PCDH12: variants seen among roughly 807,000 people sequenced by gnomAD.
PCDH12 encodes protocadherin-12.
A neutral mutation model predicts 70.9 loss-of-function variants in PCDH12; 45 were observed. The observed-to-expected ratio is 0.63, with a 90% CI of 0.50 to 0.81. The LOEUF (loss-of-function observed/expected upper bound fraction) is 0.81. PCDH12 is among the 40% of genes least tolerant of loss of function. PCDH12 has a pLI of 0.00. For synonymous variants in PCDH12, 567 were observed against 626.0 expected (o/e 0.91, Z 1.41); for missense variants, 1,370 against 1,491.7 (o/e 0.92, Z 1.34).
intron 3 of PCDH12, among the ~76,000 whole-genome samples, chr5:141,946,905 A>T (rs56121443): frequency 1.3e-4 from 3 of 23,914 alleles, no homozygotes; most frequent in African/African-American, 3.5e-4. Flanking sequence ...AAAAAAATTA[A>T]AAAAAAAAAA....
At position 141,956,422 on chromosome 5, in the gene PCDH12, A is replaced by T; in HGVS notation, c.1430T>A (p.Leu477His). The change falls in exon 1 of 4, where the codon CTT (leucine) becomes CAT (histidine). Residue 477 changes from leucine to histidine, a missense_variant. Physicochemically the swap from Leu to His is moderately conservative, Grantham distance 99. Coordinates refer to ENST00000231484, the MANE Select transcript of PCDH12 (RefSeq NM_016580.4). Reference sequence around the variant, plus strand: ...ATGAGCCTTGATGGTAATGAGGTGAAGAGAGGGTAAGTTGTTTTCCCGCGT... The same window carrying T: ...ATGAGCCTTGATGGTAATGAGGTGATGAGAGGGTAAGTTGTTTTCCCGCGT... ...VSTRENNLPS[L>H]HLITIKAHDA... is the part of the protein sequence containing the mutation. The T allele has an allele frequency of 6.2e-7, 1 of 1,614,192 alleles. No homozygotes were observed. Among genetic ancestry groups the T allele is most frequent in the East Asian group, 2.2e-5 (1 of 44,884 alleles).
rs1426969974 is a variant in PCDH12, at chr5:141,955,287, C to G, written c.2565G>C (p.Gln855His). Reference protein sequence around the residue: ...TVNLLFNHPRQRNASRENLNL... With the variant: ...TVNLLFNHPRHRNASRENLNL... ...TCAGGTTCTCCCGGGAGGCATTCCT[C>G]TGCCTGGGATGGTTGAAAAGGAGGT... The change falls in exon 1 of 4, where the codon CAG (glutamine) becomes CAC (histidine). Residue 855 changes from glutamine (Q) to histidine (H), a missense_variant. Coordinates refer to ENST00000231484, the MANE Select transcript of PCDH12 (RefSeq NM_016580.4). The surrounding 1 kb of genome is among the most constrained non-coding windows in gnomAD (Gnocchi z 5.5). 2 of 1,614,220 alleles carry G rather than the reference C, an allele frequency of 1.2e-6. No individual in the cohort carries two copies. Among genetic ancestry groups the G allele is most frequent in the Non-Finnish European group, 1.7e-6 (2 of 1,180,044 alleles).
chr5:141,957,734 C>T lies in PCDH12; in HGVS notation c.118G>A (p.Val40Met), dbSNP rs755087132. 5 of 1,613,840 alleles carry T rather than the reference C, an allele frequency of 3.1e-6. No homozygotes were observed. The highest frequency in any genetic ancestry group is 3.4e-6 in the Non-Finnish European group (4 of 1,180,036). ...TTCCCGATCACTGTACCAGATGGCA[C>T]TTCCTCTGACACTTGGTATTTCACC... ...LTVKYQVSEE[V>M]PSGTVIGKLS... Residue 40 changes from valine (V) to methionine (M), a missense_variant, in exon 1 of 4, where the codon GTG becomes ATG. Val to Met is a conservative substitution (Grantham distance 21). Coordinates refer to ENST00000231484, the MANE Select transcript of PCDH12 (RefSeq NM_016580.4). This position sits in a 1 kb window ranked among gnomAD's most constrained non-coding sequence, Gnocchi z 4.3.
intron 1 of PCDH12, among the ~76,000 whole-genome samples, chr5:141,954,200 A>G (rs73276027): frequency 0.035 from 5,270 of 152,244 alleles, 320 homozygotes; most frequent in African/African-American, 0.12. Context: ...CTGAACTCCA[A>G]TCTGCCTAAC....
chr5:141,946,989 T>A (rs1436920370), intron 3 of PCDH12, among the ~76,000 whole-genome samples: 1 of 152,138 alleles, frequency 6.6e-6, no homozygotes, highest in Non-Finnish European at 1.5e-5. Context: ...GCGCACAGAA[T>A]GAAAGACTGG....
In PCDH12 at chr5:141,955,414, T is replaced by TGCAGGCAGGGGTCCC; in HGVS notation, c.2423_2437dup (p.Leu812_Gln813insArgAspProCysLeu). ...GGTCGGGGTGAGGTGGAAGGGGGCC[T>TGCAGGCAGGGGTCCC]GCAGGCAGGGGTCCCAGCCTGCTTC... On this transcript the variant is annotated inframe_insertion, in exon 1 of 4. Transcript: ENST00000231484. This position sits in a 1 kb window ranked among gnomAD's most constrained non-coding sequence, Gnocchi z 5.5. 1 of 1,614,010 alleles carries TGCAGGCAGGGGTCCC rather than the reference T, an allele frequency of 6.2e-7. No individual in the cohort carries two copies. Among genetic ancestry groups the TGCAGGCAGGGGTCCC allele is most frequent in the Non-Finnish European group, 8.5e-7 (1 of 1,180,012 alleles).
At position 141,945,390 on chromosome 5, in the gene PCDH12, C is replaced by CTTGCTGCTG; in HGVS notation, c.3545_3546insCAGCAGCAA (p.Arg1182delinsSerSerSerLys). On this transcript the variant is annotated protein_altering_variant, in exon 4 of 4. Coordinates refer to ENST00000231484, the MANE Select transcript of PCDH12 (RefSeq NM_016580.4). ...GGCGTCTGAGGTATGTTCACAGGCA[C>CTTGCTGCTG]CTGCTGCTGCTGCTGCTGCCTCTGC... is the stretch of plus-strand genomic sequence containing the variant. 1 of 1,551,102 alleles carries CTTGCTGCTG rather than the reference C, an allele frequency of 6.4e-7. No homozygotes were observed. Among genetic ancestry groups the CTTGCTGCTG allele is most frequent in the Non-Finnish European group, 8.8e-7 (1 of 1,133,176 alleles).
Position 141,949,562 on chromosome 5 carries a change from A to G in PCDH12, c.3000T>C (p.Asp1000=), listed in dbSNP as rs749357508. ...GGSRSAIPDT[D]GPSARAGGQT... is the part of the protein sequence containing the mutation. ...GGCCTCCAGCCCTTGCACTTGGGCC[A>G]TCTGTGTCTGGGATTGCACTCCTGC... Residue 1000 remains aspartate (D), a synonymous_variant, in exon 3 of 4, where the codon GAT becomes GAC. Coordinates refer to ENST00000231484, the MANE Select transcript of PCDH12 (RefSeq NM_016580.4). The G allele has an allele frequency of 1.2e-6, 2 of 1,614,084 alleles. No individual in the cohort carries two copies. The highest frequency in any genetic ancestry group is 1.1e-5 in the South Asian group (1 of 91,070).
At position 141,945,536 on chromosome 5, in the gene PCDH12, C is replaced by T. The variant is rs1046095903; in HGVS notation, c.3400G>A (p.Glu1134Lys). The T allele has an allele frequency of 3.1e-6, 5 of 1,613,798 alleles. No homozygotes were observed. Among genetic ancestry groups the T allele is most frequent in the African/African-American group, 1.3e-5 (1 of 74,946 alleles). Residue 1134 changes from glutamate (E) to lysine (K), a missense_variant, in exon 4 of 4, where the codon GAG becomes AAG. Glu to Lys is a moderately conservative substitution (Grantham distance 56). Coordinates refer to ENST00000231484, the MANE Select transcript of PCDH12 (RefSeq NM_016580.4). Reference protein sequence around the residue: ...RSSMPVEAASEALRRLSVCGR... With the variant: ...RSSMPVEAASKALRRLSVCGR... ...CAGACCGAGAGCCGCCGCAGCGCCT[C>T]GGAGGCGGCCTCCACGGGCATGCTG... is the stretch of plus-strand genomic sequence containing the variant.
chr5:141,951,024 C>T (rs984297112), intron 2 of PCDH12, among the ~76,000 whole-genome samples: 9 of 152,102 alleles, frequency 5.9e-5, no homozygotes, highest in African/African-American at 1.7e-4. Context: ...TTTCTCCATC[C>T]GTAACAAGAA....
Position 141,957,287 on chromosome 5 carries a change from C to T in PCDH12, c.565G>A (p.Asp189Asn). The part of the protein sequence containing the change: ...HFALDVIVGP[D>N]ETKHAELIVV... Reference sequence around the variant, plus strand: ...ATGAGTTCTGCATGTTTGGTCTCATCAGGGCCCACAATGACATCCAAGGCA... The same window carrying T: ...ATGAGTTCTGCATGTTTGGTCTCATTAGGGCCCACAATGACATCCAAGGCA... The change falls in exon 1 of 4, where the codon GAT (aspartate) becomes AAT (asparagine). Residue 189 changes from aspartate (D) to asparagine (N), a missense_variant. By Grantham distance (23) the Asp-to-Asn change is conservative. Transcript: ENST00000231484. This position sits in a 1 kb window ranked among gnomAD's most constrained non-coding sequence, Gnocchi z 4.3. 6.2e-7 allele frequency: 1 copy of T among 1,613,482 alleles called. No homozygotes were observed. Among genetic ancestry groups the T allele is most frequent in the Non-Finnish European group, 8.5e-7 (1 of 1,179,628 alleles).
chr5:141,945,630 G>T lies in PCDH12; in HGVS notation c.3306C>A (p.Gly1102=), dbSNP rs1392910903. 9 of 1,614,096 alleles carry T rather than the reference G, an allele frequency of 5.6e-6. No homozygotes were observed. In the African/African-American group the frequency reaches 1.2e-4, roughly 22 times the overall value. ...KAEAPELSPT[G]TRLASTFVSE... is the part of the protein sequence containing the mutation. Reference sequence around the variant, plus strand: ...AGACAAAGGTGCTGGCCAGCCTCGTGCCTGTTGGGCTCAGCTCTGGTGCCT... The same window carrying T: ...AGACAAAGGTGCTGGCCAGCCTCGTTCCTGTTGGGCTCAGCTCTGGTGCCT... Residue 1102 remains glycine, a synonymous_variant, in exon 4 of 4, where the codon GGC becomes GGA. Transcript: ENST00000231484.
chr5:141,945,126 T>C lies in PCDH12; in HGVS notation c.*255A>G, dbSNP rs1752873272. On this transcript the variant is annotated 3_prime_UTR_variant, in exon 4 of 4. Transcript: ENST00000231484. ...GGACTGACCCTTTGTGCTCCACATA[T>C]GTTTTGCCAGGAAACACTTATCTCA... 7.5e-6 allele frequency: 4 copies of C among 534,946 alleles called. No individual in the cohort carries two copies. The highest frequency in any genetic ancestry group is 1.3e-5 in the Non-Finnish European group (4 of 301,092). 33.1% of individuals were successfully genotyped at this position (534,946 alleles called of 1,614,324 possible). A position where few individuals can be genotyped will look rare whatever the true frequency, so the allele number is the denominator to read the frequency against.
chr5:141,957,798 T>A lies in PCDH12; in HGVS notation c.54A>T (p.Leu18Phe). ...LLGLLGPGGY[L>F]FLLGDCQEVT... Reference sequence around the variant, plus strand: ...CCTCCTGACAATCCCCTAAAAGAAATAAGTAGCCACCTGGCCCCAAAAGCC... The same window carrying A: ...CCTCCTGACAATCCCCTAAAAGAAAAAAGTAGCCACCTGGCCCCAAAAGCC... The change falls in exon 1 of 4, where the codon TTA (leucine) becomes TTT (phenylalanine). Residue 18 changes from leucine to phenylalanine, a missense_variant. Physicochemically the swap from Leu to Phe is conservative, Grantham distance 22 (BLOSUM62 0). Coordinates refer to ENST00000231484, the MANE Select transcript of PCDH12 (RefSeq NM_016580.4). The surrounding 1 kb of genome is among the most constrained non-coding windows in gnomAD (Gnocchi z 4.3). 6.2e-7 allele frequency: 1 copy of A among 1,604,846 alleles called. No individual in the cohort carries two copies. The highest frequency in any genetic ancestry group is 2.2e-5 in the East Asian group (1 of 44,868).
In PCDH12 at chr5:141,956,217, A is replaced by C. The variant is rs753562763; in HGVS notation, c.1635T>G (p.Leu545=). 6.2e-7 allele frequency: 1 copy of C among 1,614,220 alleles called. No homozygotes were observed. The highest frequency in any genetic ancestry group is 8.5e-7 in the Non-Finnish European group (1 of 1,180,038). The change falls in exon 1 of 4, where the codon CTT becomes CTG. Residue 545 remains leucine, a synonymous_variant. Coordinates refer to ENST00000231484, the MANE Select transcript of PCDH12 (RefSeq NM_016580.4). The part of the protein sequence containing the change: ...VIAEDSGQPM[L]ASSVSVWVSL... ...TGACCCACACAGAGACACTGGATGCAAGCATGGGTTGCCCGCTGTCCTCTG... is the reference window on the plus strand; with the variant it reads ...TGACCCACACAGAGACACTGGATGCCAGCATGGGTTGCCCGCTGTCCTCTG...
Position 141,956,062 on chromosome 5 carries a change from C to T in PCDH12, c.1790G>A (p.Gly597Asp). ...HLLVPIETPN[G>D]LGPAGTDTPP... The stretch of plus-strand genomic sequence containing the variant: ...TGTGTCAGTGCCCGCTGGGCCCAAG[C>T]CATTGGGAGTCTCGATGGGCACCAG... Residue 597 changes from glycine (G) to aspartate (D), a missense_variant, in exon 1 of 4, where the codon GGC (glycine) becomes GAC (aspartate). By Grantham distance (94) the Gly-to-Asp change is moderately conservative. Coordinates refer to ENST00000231484, the MANE Select transcript of PCDH12 (RefSeq NM_016580.4). The T allele has an allele frequency of 1.2e-6, 2 of 1,614,130 alleles. No individual in the cohort carries two copies. Among genetic ancestry groups the T allele is most frequent in the African/African-American group, 2.7e-5 (2 of 75,042 alleles).
chr5:141,945,124 T>G lies in PCDH12; in HGVS notation c.*257A>C. On this transcript the variant is annotated 3_prime_UTR_variant, in exon 4 of 4. Transcript: ENST00000231484. ...GAGGACTGACCCTTTGTGCTCCACATATGTTTTGCCAGGAAACACTTATCT... is the reference window on the plus strand; with the variant it reads ...GAGGACTGACCCTTTGTGCTCCACAGATGTTTTGCCAGGAAACACTTATCT... The G allele has an allele frequency of 1.9e-6, 1 of 528,562 alleles. No individual in the cohort carries two copies. Among genetic ancestry groups the G allele is most frequent in the Non-Finnish European group, 3.4e-6 (1 of 297,154 alleles). 32.7% of individuals were successfully genotyped at this position (528,562 alleles called of 1,614,324 possible). A position where few individuals can be genotyped will look rare whatever the true frequency, so the allele number is the denominator to read the frequency against.
At chr5:141,949,135 G>A (rs1023919881) in intron 3 of PCDH12, among the ~76,000 whole-genome samples, 5 of 151,662 alleles carry the variant, frequency 3.3e-5, no homozygotes, top group African/African-American at 1.2e-4. Context: ...AAGGTGGGAG[G>A]ATCACCTGAG....
chr5:141,949,093 G>A (rs1375891187), intron 3 of PCDH12, among the ~76,000 whole-genome samples: 1 of 151,524 alleles, frequency 6.6e-6, no homozygotes, highest in African/African-American at 2.4e-5. Context: ...TGGTGGTGGT[G>A]CTCACCTGTA....
Sources: gnomAD v4.1 joint callset for allele counts (sites outside exome capture counted in the v4.1 genomes callset) on GRCh38, gnomAD v4.1.1 for gene constraint, Gnocchi (gnomAD v3.1) non-coding constraint, MANE v1.5 for transcripts, NCBI Gene and HGNC (gene_info 2026-07-23, HGNC 2026-07-21) for gene names.